DAB2IP: variants seen among roughly 807,000 people sequenced by gnomAD.
The protein encoded by DAB2IP is DAB2 interacting protein.
A neutral mutation model predicts 107.2 loss-of-function variants in DAB2IP; 28 were observed. That is an observed-to-expected ratio of 0.26 (90% CI 0.19 to 0.36). The LOEUF (loss-of-function observed/expected upper bound fraction) is 0.36. Among genes scored for constraint, DAB2IP ranks in the 10% least tolerant of loss-of-function variants. The pLI is 1.00. For synonymous variants in DAB2IP, 755 were observed against 706.4 expected, an observed-to-expected ratio of 1.07 and a Z score of -1.09; for missense variants, 1,400 against 1,644.7, an observed-to-expected ratio of 0.85 and a Z score of 2.57.
At chr9:121,587,533 G>T (rs1424756946) in intron 1 of DAB2IP, among the ~76,000 whole-genome samples, 1 of 151,878 alleles carries the variant, frequency 6.6e-6, no homozygotes, top group Non-Finnish European at 1.5e-5. Flanking sequence ...ACCTGAGCCT[G>T]GGAGGTTGAG....
chr9:121,679,413 T>TACACACACACACACACACACACACACAC (rs3138857), intron 2 of DAB2IP, among the ~76,000 whole-genome samples: 15 of 135,630 alleles, frequency 1.1e-4, no homozygotes, highest in African/African-American at 4.5e-4. Context: ...TTTGTGCATG[T>TACACACACACACACACACACACACACAC]ACACACACAC....
chr9:121,748,186 C>T (rs1010057985), intron 3 of DAB2IP, among the ~76,000 whole-genome samples: 30 of 152,280 alleles, frequency 2.0e-4, no homozygotes, highest in African/African-American at 6.7e-4. Flanking sequence ...AGTAGCTCAG[C>T]GTGTGAGGAA....
chr9:121,705,448 A>G (rs1022035872), intron 3 of DAB2IP, among the ~76,000 whole-genome samples: 3 of 152,252 alleles, frequency 2.0e-5, no homozygotes, highest in Non-Finnish European at 4.4e-5. Context: ...GCAATTGCAT[A>G]TGATTCAATC....
At position 121,681,805 on chromosome 9, in the gene DAB2IP, C is replaced by T. The variant is rs182264374; in HGVS notation, c.228+3024C>T. Among the ~76,000 whole-genome samples, 67 of 152,240 alleles carry T rather than the reference C, an allele frequency of 4.4e-4. No individual in the cohort carries two copies. In the Middle Eastern group the frequency reaches 0.01, roughly 23 times the overall value. ...AGAGGTGGGGATCTGGGTTCAAATC[C>T]CAGATCTTCCATGACCCATGTGATT... is the stretch of plus-strand genomic sequence containing the variant. On this transcript the variant is annotated intron_variant, in intron 2 of 15. Coordinates refer to ENST00000408936, the Ensembl canonical transcript of DAB2IP.
At chr9:121,731,260 G>T (rs554640967) in intron 3 of DAB2IP, among the ~76,000 whole-genome samples, 1 of 152,282 alleles carries the variant, frequency 6.6e-6, no homozygotes, top group East Asian at 1.9e-4. Flanking sequence ...TCCCAGCTGG[G>T]TGGCCTTGGA....
chr9:121,567,994 G>A (rs1002283719), intron 1 of DAB2IP, among the ~76,000 whole-genome samples: 20 of 152,012 alleles, frequency 1.3e-4, no homozygotes, highest in Admixed American at 4.6e-4. Context: ...CCGAGGCACC[G>A]AGGCTGGGCA....
chr9:121,577,274 G>T lies in DAB2IP; in HGVS notation c.40+10046G>T, dbSNP rs150557946. On this transcript the variant is annotated intron_variant, in intron 1 of 16. Transcript: ENST00000259371. ...GGAGCTTTGGGTCAGATTGTCTCGG[G>T]AGAGTGGGGGAAGAGGCGGGTGGAG... 3.2e-3 allele frequency among the ~76,000 whole-genome samples: 495 copies of T among 152,318 alleles called. 5 individuals are homozygous for T. Among genetic ancestry groups the T allele is most frequent in the African/African-American group, 0.011 (477 of 41,572 alleles).
At chr9:121,700,618 G>A (rs1829721732) in intron 3 of DAB2IP, among the ~76,000 whole-genome samples, 1 of 152,142 alleles carries the variant, frequency 6.6e-6, no homozygotes, top group Non-Finnish European at 1.5e-5. Context: ...TGGTTCTAGC[G>A]GGCAGAGGAG....
intron 3 of DAB2IP, among the ~76,000 whole-genome samples, chr9:121,711,265 C>T (rs528877683): frequency 6.6e-6 from 1 of 152,296 alleles, no homozygotes; most frequent in African/African-American, 2.4e-5. Context: ...ATAGTCCAAA[C>T]AGGACTGGGG....
intron 2 of DAB2IP, among the ~76,000 whole-genome samples, chr9:121,690,375 ACCT>A (rs1036557868): frequency 4.0e-4 from 61 of 151,986 alleles, no homozygotes; most frequent in African/African-American, 1.1e-3. Flanking sequence ...CAGGGGTGTA[ACCT>A]CCTGGTGGAA....
exon 11 of DAB2IP, chr9:121,770,637 C>G (rs1286037265): frequency 6.2e-7 from 1 of 1,614,164 alleles, no homozygotes; most frequent in East Asian, 2.2e-5. Context: ...CTCCCAGGGA[C>G]CAATGACCTG....
At chr9:121,620,640 C>A (rs1314333464) in intron 1 of DAB2IP, among the ~76,000 whole-genome samples, 1 of 152,182 alleles carries the variant, frequency 6.6e-6, no homozygotes, top group East Asian at 1.9e-4. Flanking sequence ...CCTTGGCCAG[C>A]CACCCTGGGG....
intron 1 of DAB2IP, among the ~76,000 whole-genome samples, chr9:121,595,685 T>C (rs1003281572): frequency 6.6e-6 from 1 of 152,168 alleles, no homozygotes; most frequent in South Asian, 2.1e-4. Context: ...CTCCTTCCTA[T>C]TAAACATCTC....
chr9:121,650,599 C>T (rs942209988), upstream of DAB2IP, among the ~76,000 whole-genome samples: 1 of 152,224 alleles, frequency 6.6e-6, no homozygotes, highest in Non-Finnish European at 1.5e-5. Context: ...GAGGCAAGAC[C>T]TCCTTGCCAA....
chr9:121,731,400 G>A (rs979012660), intron 3 of DAB2IP, among the ~76,000 whole-genome samples: 1 of 152,250 alleles, frequency 6.6e-6, no homozygotes, highest in Non-Finnish European at 1.5e-5. Flanking sequence ...ATGGCTGACG[G>A]AATGGAGTCT....
intron 3 of DAB2IP, among the ~76,000 whole-genome samples, chr9:121,744,399 C>A: frequency 6.6e-6 from 1 of 152,100 alleles, no homozygotes; most frequent in African/African-American, 2.4e-5. Context: ...GGGCAAGTAC[C>A]CATTTCTGAA....
At chr9:121,695,567 T>G (rs745873382) in intron 2 of DAB2IP, among the ~76,000 whole-genome samples, 8 of 152,192 alleles carry the variant, frequency 5.3e-5, no homozygotes, top group Non-Finnish European at 1.2e-4. Context: ...GGGCTAGAGC[T>G]GCCCAGTGGG....
At chr9:121,743,666 C>T (rs1173652160) in intron 3 of DAB2IP, among the ~76,000 whole-genome samples, 1 of 152,214 alleles carries the variant, frequency 6.6e-6, no homozygotes, top group South Asian at 2.1e-4. Context: ...AGCAGGAAGG[C>T]TCGCCCGGCC....
chr9:121,730,370 C>A (rs1449045010), intron 3 of DAB2IP, among the ~76,000 whole-genome samples: 2 of 152,226 alleles, frequency 1.3e-5, no homozygotes, highest in African/African-American at 4.8e-5. Flanking sequence ...GCAACAGCAT[C>A]ACCCGCCGGG....
Sources: allele counts gnomAD v4.1 joint callset (sites outside exome capture counted in the v4.1 genomes callset), GRCh38; gene constraint gnomAD v4.1.1; transcripts MANE v1.5; gene names NCBI Gene and HGNC (gene_info 2026-07-23, HGNC 2026-07-21).